Variants in PLEKHG4B observed in about 807,000 individuals in gnomAD.
PLEKHG4B encodes pleckstrin homology and RhoGEF domain containing G4B.
Under a neutral mutation model 121.3 loss-of-function variants are expected in PLEKHG4B, and 111 were observed. The observed-to-expected ratio is 0.92, with a 90% CI of 0.78 to 1.07. The LOEUF (loss-of-function observed/expected upper bound fraction) is 1.07, where lower values mean the gene tolerates loss of function less well. Ranked by LOEUF, PLEKHG4B falls within the 50% of genes least tolerant of loss-of-function variation. The probability of loss-of-function intolerance (pLI) is 0.00; values close to 1 mark genes in which losing one functional copy is unlikely to be tolerated. For synonymous variants in PLEKHG4B, 738 were observed against 725.0 expected, an observed-to-expected ratio of 1.02 and a Z score of -0.29; for missense variants, 1,831 against 1,757.8, an observed-to-expected ratio of 1.04 and a Z score of -0.74.
At chr5:112,906 A>C (rs1734198699) in intron 1 of PLEKHG4B, among the ~76,000 whole-genome samples, 1 of 152,132 alleles carries the variant, frequency 6.6e-6, no homozygotes, top group African/African-American at 2.4e-5. Flanking sequence ...GCAGGGGATG[A>C]AACTTACCCT....
Position 159,769 on chromosome 5 carries a change from C to T in PLEKHG4B, c.2488-2014C>T, listed in dbSNP as rs1735931223. Reference sequence around the variant, plus strand: ...GAGAGCCTGGCCGTAGCTCAGTGTTCACCTGCCAGGGAACAGACCCTGGGC... The same window carrying T: ...GAGAGCCTGGCCGTAGCTCAGTGTTTACCTGCCAGGGAACAGACCCTGGGC... On this transcript the variant is annotated intron_variant, in intron 11 of 19. Coordinates refer to ENST00000637938, the MANE Select transcript of PLEKHG4B (RefSeq NM_052909.5). This position sits in a 1 kb window ranked among gnomAD's most constrained non-coding sequence, Gnocchi z 5.5. Among the ~76,000 whole-genome samples, 1 of 152,176 alleles carries T rather than the reference C, an allele frequency of 6.6e-6. No homozygotes were observed.
At position 163,076 on chromosome 5, in the gene PLEKHG4B, G is replaced by C. The variant is rs992770540; in HGVS notation, c.3004G>C (p.Ala1002Pro). The part of the protein sequence containing the change: ...SFPSTDSGGG[A>P]WEPAQPLSGL... ...CCCCAGCACGGACAGTGGGGGTGGT[G>C]CCTGGGAACCTGCGCAACCACTGTC... is the stretch of plus-strand genomic sequence containing the variant. The change falls in exon 13 of 20, where the codon GCC becomes CCC. Residue 1002 changes from alanine (A) to proline (P), a missense_variant. Ala to Pro is a conservative substitution (Grantham distance 27, BLOSUM62 -1). Coordinates refer to ENST00000637938, the MANE Select transcript of PLEKHG4B (RefSeq NM_052909.5). 1 of 1,562,764 alleles carries C rather than the reference G, an allele frequency of 6.4e-7. No homozygotes were observed.
intron 2 of PLEKHG4B, among the ~76,000 whole-genome samples, chr5:134,846 C>T (rs1259423194): frequency 6.6e-6 from 1 of 151,194 alleles, no homozygotes; most frequent in Non-Finnish European, 1.5e-5. Context: ...AAAATCAACA[C>T]AAATCAGTTG....
At chr5:167,147 T>C (rs577515178) in intron 13 of PLEKHG4B, among the ~76,000 whole-genome samples, 1 of 152,374 alleles carries the variant, frequency 6.6e-6, no homozygotes, top group South Asian at 2.1e-4. Flanking sequence ...GTCCTCATTC[T>C]GATTTTGTTT....
chr5:142,966 TC>T, intron 3 of PLEKHG4B, 80 bp from the exon 4 acceptor site: 2 of 1,349,514 alleles, frequency 1.5e-6, no homozygotes, highest in Non-Finnish European at 2.1e-6. Context: ...GTCCCATGGT[TC>T]ATAGCAAGCT....
At chr5:93,194 C>T (rs1040208093) in intron 1 of PLEKHG4B, among the ~76,000 whole-genome samples, 3 of 152,106 alleles carry the variant, frequency 2.0e-5, no homozygotes, top group African/African-American at 7.2e-5. Context: ...ATACTTTTGA[C>T]TGAGCCTTAG....
At position 144,886 on chromosome 5, in the gene PLEKHG4B, C is replaced by T; in HGVS notation, c.1871C>T (p.Ala624Val). 13 of 1,613,392 alleles carry T rather than the reference C, an allele frequency of 8.1e-6. No homozygotes were observed. Among genetic ancestry groups the T allele is most frequent in the Non-Finnish European group, 1.1e-5 (13 of 1,179,972 alleles). Reference protein sequence around the residue: ...VLVDARRSPAAPAVSQALSGL... With the variant: ...VLVDARRSPAVPAVSQALSGL... ...GTGGATGCACGCAGGAGTCCAGCTG[C>T]CCCTGCCGTCTCCCAGGCCCTCTCA... The change falls in exon 6 of 20, where the codon GCC (alanine) becomes GTC (valine). Residue 624 changes from alanine (A) to valine (V), a missense_variant. Transcript: ENST00000637938.
intron 1 of PLEKHG4B, among the ~76,000 whole-genome samples, chr5:106,082 C>T (rs930201948): frequency 6.6e-6 from 1 of 152,188 alleles, no homozygotes; most frequent in African/African-American, 2.4e-5. Flanking sequence ...CAAACCCTTA[C>T]TTCCAGCTAA....
At chr5:174,794 A>G (rs1311192907) in intron 18 of PLEKHG4B, among the ~76,000 whole-genome samples, 1 of 152,112 alleles carries the variant, frequency 6.6e-6, no homozygotes, top group Non-Finnish European at 1.5e-5. Context: ...CTTCTGTCTC[A>G]GGGCTCTCTG....
rs181611921 is a variant in PLEKHG4B at position 139,084 on chromosome 5, G to A, written c.244-399G>A. ...CAGAGGAGGGAGCCCCCCATAGGGT[G>A]GCCCTGACCAGGGCTGGCAGGGGCA... On this transcript the variant is annotated intron_variant, in intron 2 of 19. Transcript: ENST00000637938. The surrounding 1 kb of genome is among the most constrained non-coding windows in gnomAD (Gnocchi z 5.0). Among the ~76,000 whole-genome samples the A allele has an allele frequency of 1.3e-5, 2 of 152,292 alleles. No individual in the cohort carries two copies. Among genetic ancestry groups the A allele is most frequent in the African/African-American group, 4.8e-5 (2 of 41,556 alleles).
chr5:175,006 G>T (rs535603351), intron 18 of PLEKHG4B, among the ~76,000 whole-genome samples: 1 of 152,066 alleles, frequency 6.6e-6, no homozygotes, highest in Non-Finnish European at 1.5e-5. Flanking sequence ...GGGGCTCCTC[G>T]GTCAGCACTT....
At chr5:115,963 G>A (rs1017876561) in intron 2 of PLEKHG4B, among the ~76,000 whole-genome samples, 1 of 152,048 alleles carries the variant, frequency 6.6e-6, no homozygotes, top group Non-Finnish European at 1.5e-5. Context: ...AATTTCCTTC[G>A]GTAGCTTTTC....
chr5:173,587 CT>C (rs1736642942), intron 17 of PLEKHG4B, among the ~76,000 whole-genome samples: 1 of 151,936 alleles, frequency 6.6e-6, no homozygotes, highest in Non-Finnish European at 1.5e-5. Flanking sequence ...AGCACTCTCC[CT>C]TGCACACTGT....
chr5:180,056 T>A lies in PLEKHG4B; in HGVS notation c.4403-1458T>A, dbSNP rs182380355. Among the ~76,000 whole-genome samples the A allele has an allele frequency of 4.0e-3, 603 of 152,352 alleles. 10 individuals carry two copies. The highest frequency in any genetic ancestry group is 0.034 in the Middle Eastern group (10 of 294). Reference sequence around the variant, plus strand: ...AAACCTTTATCTCGTGGATGTTTAATTATCTGGGGTTTTCCTCAGCCTTTC... The same window carrying A: ...AAACCTTTATCTCGTGGATGTTTAAATATCTGGGGTTTTCCTCAGCCTTTC... On this transcript the variant is annotated intron_variant, in intron 18 of 19. Coordinates refer to ENST00000637938, the MANE Select transcript of PLEKHG4B (RefSeq NM_052909.5).
At position 140,432 on chromosome 5, in the gene PLEKHG4B, A is replaced by G; in HGVS notation, c.1193A>G (p.Gln398Arg). The G allele has an allele frequency of 6.4e-7, 1 of 1,568,686 alleles. No individual in the cohort carries two copies. The highest frequency in any genetic ancestry group is 8.6e-7 in the Non-Finnish European group (1 of 1,157,600). ...LGTGAVASGT[Q>R]EETSGPRGDP... ...ACTGGGGCAGTAGCCAGTGGGACCC[A>G]GGAGGAAACCTCTGGCCCCCGGGGA... Residue 398 changes from glutamine to arginine, a missense_variant, in exon 3 of 20, where the codon CAG becomes CGG. Gln to Arg is a conservative substitution (Grantham distance 43, BLOSUM62 1). Coordinates refer to ENST00000637938, the MANE Select transcript of PLEKHG4B (RefSeq NM_052909.5).
chr5:92,310 G>A (rs1237278175), intron 1 of PLEKHG4B, 34 bp downstream of exon 1: 1 of 72,374 alleles, frequency 1.4e-5, no homozygotes, highest in East Asian at 2.1e-4. Flanking sequence ...GGCGGGTGGG[G>A]GCGCGAGCGG....
At chr5:145,612 G>T (rs1264700799) in intron 6 of PLEKHG4B, among the ~76,000 whole-genome samples, 1 of 152,212 alleles carries the variant, frequency 6.6e-6, no homozygotes, top group Non-Finnish European at 1.5e-5. Context: ...ACCCACCTCA[G>T]CCTCCCAGAG....
chr5:125,315 G>A (rs1315467077), intron 2 of PLEKHG4B, among the ~76,000 whole-genome samples: 1 of 152,074 alleles, frequency 6.6e-6, no homozygotes, highest in Non-Finnish European at 1.5e-5. Context: ...TGTAGTAAAA[G>A]TCTTAAATTC....
At chr5:151,702 C>T (rs1735611920) in intron 7 of PLEKHG4B, 103 bp downstream of exon 7, 3 of 728,790 alleles carry the variant, frequency 4.1e-6, no homozygotes, top group Non-Finnish European at 6.5e-6. Context: ...GTTCTAATTG[C>T]ATCCATGTGG....
Sources: allele counts gnomAD v4.1 joint callset (sites outside exome capture counted in the v4.1 genomes callset), GRCh38; gene constraint gnomAD v4.1.1; non-coding constraint Gnocchi (gnomAD v3.1); transcripts MANE v1.5; gene names NCBI Gene and HGNC (gene_info 2026-07-23, HGNC 2026-07-21).